UBAP2L: variants seen among roughly 807,000 people sequenced by gnomAD.
UBAP2L encodes ubiquitin-associated protein 2-like.
A neutral mutation model predicts 130.6 loss-of-function variants in UBAP2L; 12 were observed. That is an observed-to-expected ratio of 0.09 (90% confidence interval 0.06 to 0.15). The LOEUF is 0.15. Among genes scored for constraint, UBAP2L ranks in the 10% least tolerant of loss-of-function variants. UBAP2L has a pLI of 1.00. For synonymous variants in UBAP2L, 503 were observed against 524.7 expected, an observed-to-expected ratio of 0.96 and a Z score of 0.57; for missense variants, 965 against 1,332.5, an observed-to-expected ratio of 0.72 and a Z score of 4.29.
chr1:154,227,201 G>T, intron 2 of UBAP2L, 81 bp from the exon 3 acceptor site: 1 of 1,233,704 alleles, frequency 8.1e-7, no homozygotes, highest in Non-Finnish European at 1.2e-6. Context: ...AATTGGGGCA[G>T]TGGAGGCTGA....
chr1:154,265,231 TTGTC>T (rs1387916679), intron 24 of UBAP2L, among the ~76,000 whole-genome samples: 1 of 152,192 alleles, frequency 6.6e-6, no homozygotes, highest in Non-Finnish European at 1.5e-5. Context: ...AAGGCTGCCT[TTGTC>T]TGAGGCATTG....
chr1:154,250,612 G>A (rs1459704632), intron 12 of UBAP2L, among the ~76,000 whole-genome samples: 2 of 152,046 alleles, frequency 1.3e-5, no homozygotes, highest in African/African-American at 4.8e-5. Context: ...CTAGCACTTC[G>A]AGAAGCCGAG....
At chr1:154,260,622 A>G (rs1181612630) in intron 22 of UBAP2L, among the ~76,000 whole-genome samples, 1 of 152,214 alleles carries the variant, frequency 6.6e-6, no homozygotes, top group African/African-American at 2.4e-5. Flanking sequence ...AGAGAACACA[A>G]GTGGGCAGAG....
At chr1:154,230,509 A>G (rs1016244171) in intron 4 of UBAP2L, among the ~76,000 whole-genome samples, 1 of 152,236 alleles carries the variant, frequency 6.6e-6, no homozygotes, top group Admixed American at 6.5e-5. Context: ...TATCTGGCCA[A>G]TCAAGATATG....
Position 154,234,758 on chromosome 1 carries a change from G to A in UBAP2L, c.447G>A (p.Glu149=). The A allele has an allele frequency of 1.3e-6, 2 of 1,585,796 alleles. No individual in the cohort carries two copies. Among genetic ancestry groups the A allele is most frequent in the Non-Finnish European group, 1.7e-6 (2 of 1,164,800 alleles). The stretch of plus-strand genomic sequence containing the variant: ...GGAGAGGTGCCAGCCGTGGACGAGA[G>A]TGTATGCATGGGGCTTTATCAAAAC... ...RRGRGASRGR[E]FRGQENGLDG... is the part of the protein sequence containing the mutation. The change falls in exon 5 of 27, where the codon GAG becomes GAA. Residue 149 remains glutamate, a splice_region_variant and synonymous_variant. Transcript: ENST00000428931.
intron 11 of UBAP2L, among the ~76,000 whole-genome samples, chr1:154,247,012 A>G (rs1174584600): frequency 6.6e-6 from 1 of 152,222 alleles, no homozygotes; most frequent in Admixed American, 6.5e-5. Flanking sequence ...CATTAACGAC[A>G]TCAAAGGAAT....
chr1:154,220,438 G>T, upstream of UBAP2L: 1 of 1,613,802 alleles, frequency 6.2e-7, no homozygotes, highest in Non-Finnish European at 8.5e-7. Context: ...AATTGTTCGG[G>T]TTTACCCCGC....
chr1:154,234,857 T>C lies in UBAP2L; in HGVS notation c.448+98T>C. The C allele has an allele frequency of 2.0e-6, 3 of 1,496,140 alleles. No homozygotes were observed. In the African/African-American group the frequency reaches 4.2e-5, roughly 21 times the overall value. 92.7% of individuals were successfully genotyped at this position (1,496,140 alleles called of 1,614,324 possible). A position where few individuals can be genotyped will look rare whatever the true frequency, so the allele number is the denominator to read the frequency against. On this transcript the variant is annotated intron_variant, in intron 5 of 26. Transcript: ENST00000428931. ...GCTAGTCAGGACCTAGGAACCATTA[T>C]ATTATCCTTTTGCTTTTCTTGCCGT...
intron 9 of UBAP2L, among the ~76,000 whole-genome samples, chr1:154,242,361 A>G (rs775925959): frequency 2.6e-5 from 4 of 152,218 alleles, no homozygotes; most frequent in South Asian, 4.1e-4. Context: ...TTGGTTGCCA[A>G]TTCTGGGTTT....
intron 8 of UBAP2L, among the ~76,000 whole-genome samples, chr1:154,240,196 G>GAAAATAAGAA (rs1395014635): frequency 6.6e-6 from 1 of 152,112 alleles, no homozygotes; most frequent in African/African-American, 2.4e-5. Context: ...AAGAAAATAA[G>GAAAATAAGAA]GGTGCTCTTG....
intron 3 of UBAP2L, among the ~76,000 whole-genome samples, chr1:154,228,200 T>A (rs1201101971): frequency 2.6e-5 from 4 of 151,934 alleles, no homozygotes; most frequent in African/African-American, 2.4e-5. Flanking sequence ...TTTTTTTTTT[T>A]ATTTTGAGAC....
chr1:154,239,421 G>T (rs1672762230), intron 8 of UBAP2L, among the ~76,000 whole-genome samples: 2 of 151,970 alleles, frequency 1.3e-5, no homozygotes, highest in Non-Finnish European at 2.9e-5. Flanking sequence ...ATGTCTTTCT[G>T]CTTTTTCTCT....
At position 154,228,735 on chromosome 1, in the gene UBAP2L, T is replaced by C. The variant is rs779039532; in HGVS notation, c.279+10T>C. The stretch of plus-strand genomic sequence containing the variant: ...AGGAAACCCAGACACGGTAGAGTGC[T>C]TATAGAGTGTTCTAGGACATGGGTC... On this transcript the variant is annotated intron_variant, in intron 4 of 26. Coordinates refer to ENST00000428931, the MANE Select transcript of UBAP2L (RefSeq NM_014847.4). The C allele has an allele frequency of 1.1e-5, 18 of 1,599,618 alleles. No homozygotes were observed. In the African/African-American group the frequency reaches 1.5e-4, roughly 13 times the overall value.
At chr1:154,269,168 T>C in intron 26 of UBAP2L, 6 of 843,680 alleles carry the variant, frequency 7.1e-6, no homozygotes, top group Non-Finnish European at 1.1e-5. Context: ...TGAAACCTTT[T>C]TTGCCCAATT....
chr1:154,239,108 C>CT (rs1344879383), intron 8 of UBAP2L, among the ~76,000 whole-genome samples: 6 of 152,022 alleles, frequency 3.9e-5, no homozygotes, highest in African/African-American at 4.8e-5. Context: ...TGATAGCAAA[C>CT]TTGAGTTTCC....
intron 14 of UBAP2L, among the ~76,000 whole-genome samples, chr1:154,252,944 G>A (rs1214595475): frequency 6.6e-6 from 1 of 152,208 alleles, no homozygotes; most frequent in Non-Finnish European, 1.5e-5. Flanking sequence ...CCTGTGCTTA[G>A]GGTCCATGTT....
intron 25 of UBAP2L, 107 bp downstream of exon 25, chr1:154,266,675 A>G (rs1683324547): frequency 3.4e-6 from 4 of 1,174,284 alleles, no homozygotes; most frequent in Non-Finnish European, 5.1e-6. Flanking sequence ...GAGAGGTGGC[A>G]GGAAACCCAT....
At chr1:154,256,968 A>G in intron 18 of UBAP2L, 95 bp from the exon 19 acceptor site, 2 of 1,407,352 alleles carry the variant, frequency 1.4e-6, no homozygotes, top group Non-Finnish European at 1.9e-6. Context: ...AGTTGACATC[A>G]TAATATATTC....
chr1:154,227,099 G>A (rs759269444), intron 2 of UBAP2L, among the ~76,000 whole-genome samples, 183 bp from the exon 3 acceptor site: 1 of 152,214 alleles, frequency 6.6e-6, no homozygotes, highest in Non-Finnish European at 1.5e-5. Flanking sequence ...TGGAATTACA[G>A]GCGTGAGCCA....
Sources: allele counts gnomAD v4.1 joint callset (sites outside exome capture counted in the v4.1 genomes callset), GRCh38; gene constraint gnomAD v4.1.1; transcripts MANE v1.5; gene names NCBI Gene and HGNC (gene_info 2026-07-23, HGNC 2026-07-21).